NRG3: variants seen among roughly 807,000 people sequenced by gnomAD.
NRG3 encodes neuregulin 3.
NRG3 carries 31 observed loss-of-function variants against 66.9 expected under a neutral mutation model. The ratio of observed to expected loss-of-function variants is 0.46; its 90% CI spans 0.35 to 0.63. The LOEUF is 0.63. Ranked by LOEUF, NRG3 falls within the 20% of genes least tolerant of loss-of-function variation. NRG3 has a pLI of 0.00. For missense variants in NRG3, 910 were observed against 878.9 expected (o/e 1.04, Z -0.45); for synonymous variants, 393 against 359.4 (o/e 1.09, Z -1.06).
At chr10:82,637,393 T>C (rs544065956) in intron 2 of NRG3, among the ~76,000 whole-genome samples, 1 of 152,264 alleles carries the variant, frequency 6.6e-6, no homozygotes, top group East Asian at 1.9e-4. Flanking sequence ...AACAGGATAT[T>C]TACATGGTCT....
At chr10:82,637,554 T>G (rs1404600891) in intron 2 of NRG3, among the ~76,000 whole-genome samples, 2 of 152,118 alleles carry the variant, frequency 1.3e-5, no homozygotes, top group African/African-American at 4.8e-5. Flanking sequence ...GAATGAGACA[T>G]CACATCAATA....
intron 1 of NRG3, among the ~76,000 whole-genome samples, chr10:82,057,370 T>C (rs1260327983): frequency 6.6e-6 from 1 of 152,176 alleles, no homozygotes; most frequent in African/African-American, 2.4e-5. Flanking sequence ...TTATAGTCTC[T>C]GTGTCATAAG....
intron 2 of NRG3, among the ~76,000 whole-genome samples, chr10:82,447,025 A>G (rs1334603372): frequency 6.6e-6 from 1 of 152,188 alleles, no homozygotes; most frequent in Non-Finnish European, 1.5e-5. Context: ...TCAAGAGGAG[A>G]CAGTAATTAG....
chr10:82,544,350 C>G (rs1463299611), intron 2 of NRG3, among the ~76,000 whole-genome samples: 1 of 151,992 alleles, frequency 6.6e-6, no homozygotes, highest in African/African-American at 2.4e-5. Flanking sequence ...GTTTTTTCCC[C>G]TAAAAGTTTC....
chr10:82,500,651 A>G (rs1407122756), intron 2 of NRG3, among the ~76,000 whole-genome samples: 4 of 152,212 alleles, frequency 2.6e-5, no homozygotes, highest in African/African-American at 9.6e-5. Context: ...AGGAAGCAGT[A>G]GAACAAGCTT....
chr10:81,943,164 G>A (rs527353721), intron 1 of NRG3, among the ~76,000 whole-genome samples: 16 of 152,176 alleles, frequency 1.1e-4, no homozygotes, highest in Non-Finnish European at 2.2e-4. Context: ...GAGGCAGGAG[G>A]ATTGCTTGAG....
chr10:82,704,722 A>C (rs893773844), intron 2 of NRG3, among the ~76,000 whole-genome samples: 2 of 152,182 alleles, frequency 1.3e-5, no homozygotes, highest in Non-Finnish European at 2.9e-5. Flanking sequence ...GGCTATTGGC[A>C]TCTCTTTATC....
intron 1 of NRG3, among the ~76,000 whole-genome samples, chr10:81,957,047 A>C (rs1849903889): frequency 6.6e-6 from 1 of 152,156 alleles, no homozygotes; most frequent in African/African-American, 2.4e-5. Context: ...CCATAAGATT[A>C]ATTCTCACCA....
Position 82,152,247 on chromosome 10 carries a change from G to A in NRG3, c.824-206492G>A, listed in dbSNP as rs375038379. 2.6e-4 allele frequency among the ~76,000 whole-genome samples: 40 copies of A among 152,232 alleles called. No individual in the cohort carries two copies. In the East Asian group the frequency reaches 6.6e-3, roughly 25 times the overall value. On this transcript the variant is annotated intron_variant, in intron 1 of 8. Transcript: ENST00000372141. ...TTTGGCTCATGTCTCTCAGTTTGGC[G>A]ATCCTATTGTAGAATATAGTTTTGA... is the stretch of plus-strand genomic sequence containing the variant.
chr10:82,177,774 T>C (rs1190720509), intron 1 of NRG3, among the ~76,000 whole-genome samples: 3 of 152,128 alleles, frequency 2.0e-5, no homozygotes, highest in Admixed American at 2.0e-4. Context: ...CAGAATCTTG[T>C]TATTAAACAT....
chr10:82,074,076 G>GAA (rs1333351863), intron 1 of NRG3, among the ~76,000 whole-genome samples: 12 of 145,616 alleles, frequency 8.2e-5, no homozygotes, highest in African/African-American at 3.0e-4. Flanking sequence ...TGAGTTCTCT[G>GAA]AAAAAAAAAA....
intron 3 of NRG3, among the ~76,000 whole-genome samples, chr10:82,781,357 T>G (rs2060111852): frequency 6.6e-6 from 1 of 152,194 alleles, no homozygotes; most frequent in Non-Finnish European, 1.5e-5. Flanking sequence ...CCCATCACTC[T>G]CAAGTAAAAT....
chr10:82,167,557 CATT>C (rs1376954731), intron 1 of NRG3, among the ~76,000 whole-genome samples: 14 of 152,108 alleles, frequency 9.2e-5, no homozygotes, highest in African/African-American at 2.2e-4. Flanking sequence ...CATATTAGCA[CATT>C]ATTATTACTT....
intron 1 of NRG3, among the ~76,000 whole-genome samples, chr10:82,077,815 A>G (rs2065171598): frequency 6.6e-6 from 1 of 152,270 alleles, no homozygotes; most frequent in Non-Finnish European, 1.5e-5. Flanking sequence ...GAATGAAATT[A>G]TATCAGAAAT....
chr10:82,194,564 G>A (rs1564650966), intron 1 of NRG3, among the ~76,000 whole-genome samples: 1 of 152,018 alleles, frequency 6.6e-6, no homozygotes, highest in Non-Finnish European at 1.5e-5. Flanking sequence ...GACAGTAGGA[G>A]GACTGCTGCT....
intron 2 of NRG3, among the ~76,000 whole-genome samples, chr10:82,664,035 A>G (rs2052571477): frequency 1.3e-5 from 2 of 152,158 alleles, no homozygotes. Flanking sequence ...GAGGCTTTTC[A>G]TGTGGTGGGA....
At chr10:82,956,289 T>C (rs1021230347) in intron 5 of NRG3, among the ~76,000 whole-genome samples, 1 of 152,014 alleles carries the variant, frequency 6.6e-6, no homozygotes. Flanking sequence ...AGTATTCCCA[T>C]GTGCAAGGCA....
intron 3 of NRG3, among the ~76,000 whole-genome samples, chr10:82,804,821 C>T (rs141487455): frequency 4.6e-5 from 7 of 152,296 alleles, no homozygotes; most frequent in Non-Finnish European, 8.8e-5. Flanking sequence ...AGAATTTCAA[C>T]ATAGCCTATC....
intron 4 of NRG3, among the ~76,000 whole-genome samples, chr10:82,932,931 A>G (rs561124463): frequency 1.3e-5 from 2 of 151,594 alleles, no homozygotes; most frequent in South Asian, 4.2e-4. Flanking sequence ...CTTCCTTTCT[A>G]ACTCTCCTTT....
Sources: gnomAD v4.1 joint callset for allele counts (sites outside exome capture counted in the v4.1 genomes callset) on GRCh38, gnomAD v4.1.1 for gene constraint, MANE v1.5 for transcripts, NCBI Gene and HGNC (gene_info 2026-07-23, HGNC 2026-07-21) for gene names.